CTNND2: variants seen among roughly 807,000 people sequenced by gnomAD.
The protein encoded by CTNND2 is catenin delta 2, also known as catenin delta-2.
In CTNND2, 22 loss-of-function variants were observed where a neutral mutation model predicts 144.4. The observed-to-expected ratio is 0.15, with a 90% CI of 0.11 to 0.22. CTNND2 has a LOEUF of 0.22. CTNND2 is among the 10% of genes least tolerant of loss of function. The probability of loss-of-function intolerance (pLI) is 1.00; values close to 1 mark genes in which losing one functional copy is unlikely to be tolerated. For missense variants in CTNND2, 1,353 were observed against 1,618.8 expected, an observed-to-expected ratio of 0.84 and a Z score of 2.82; for synonymous variants, 751 against 695.6, an observed-to-expected ratio of 1.08 and a Z score of -1.25.
chr5:11,082,510 C>T (rs1403222495), intron 16 of CTNND2, among the ~76,000 whole-genome samples, 186 bp downstream of exon 16: 6 of 152,138 alleles, frequency 3.9e-5, no homozygotes, highest in Admixed American at 3.9e-4. Flanking sequence ...ACATTTTCCT[C>T]TAAATTCTAA....
intron 1 of CTNND2, among the ~76,000 whole-genome samples, chr5:11,839,186 T>C (rs1482036551): frequency 6.6e-6 from 1 of 151,994 alleles, no homozygotes; most frequent in Non-Finnish European, 1.5e-5. Context: ...TTGAAAAGTA[T>C]TGCTGGGATC....
chr5:11,662,138 T>TATATATACAC (rs1491225985), intron 2 of CTNND2, among the ~76,000 whole-genome samples: 5 of 145,986 alleles, frequency 3.4e-5, no homozygotes, highest in African/African-American at 1.0e-4. Flanking sequence ...TACATATATG[T>TATATATACAC]ATATATACAC....
chr5:11,348,437 C>CA (rs3034056), intron 8 of CTNND2, among the ~76,000 whole-genome samples: 28,709 of 113,602 alleles, frequency 0.25, 3,164 homozygotes, highest in Non-Finnish European at 0.31. Context: ...AAATCAAGGG[C>CA]AAAAAAAAAA....
intron 1 of CTNND2, among the ~76,000 whole-genome samples, chr5:11,875,757 C>A (rs902416802): frequency 6.6e-6 from 1 of 152,154 alleles, no homozygotes; most frequent in African/African-American, 2.4e-5. Context: ...TTATAAGTCA[C>A]CCAGACTACG....
At chr5:11,719,141 G>A (rs59729480) in intron 2 of CTNND2, among the ~76,000 whole-genome samples, 15,558 of 152,192 alleles carry the variant, frequency 0.1, 988 homozygotes, top group East Asian at 0.21. Flanking sequence ...AACCAAGGCC[G>A]TTCAGTAAGA....
chr5:11,131,336 G>C (rs563818776), intron 12 of CTNND2, among the ~76,000 whole-genome samples: 2 of 152,102 alleles, frequency 1.3e-5, no homozygotes, highest in Non-Finnish European at 2.9e-5. Flanking sequence ...CCAATTCCTT[G>C]CATTTTGAGT....
intron 2 of CTNND2, among the ~76,000 whole-genome samples, chr5:11,654,371 G>T (rs1313671871): frequency 6.6e-6 from 1 of 152,082 alleles, no homozygotes; most frequent in African/African-American, 2.4e-5. Context: ...ATGAGCATGG[G>T]TTATCTCTCA....
intron 16 of CTNND2, among the ~76,000 whole-genome samples, chr5:11,049,810 C>G (rs1352876677): frequency 6.6e-6 from 1 of 152,164 alleles, no homozygotes. Flanking sequence ...AAATATCTCA[C>G]CATTTATACC....
intron 2 of CTNND2, among the ~76,000 whole-genome samples, chr5:11,604,629 T>C (rs1309232487): frequency 6.6e-6 from 1 of 152,196 alleles, no homozygotes; most frequent in Non-Finnish European, 1.5e-5. Flanking sequence ...GCTTTTCACA[T>C]CTTAGTTCTT....
chr5:11,254,683 GT>G (rs1561101402), intron 9 of CTNND2, among the ~76,000 whole-genome samples: 1 of 152,142 alleles, frequency 6.6e-6, no homozygotes, highest in African/African-American at 2.4e-5. Flanking sequence ...GTCTAGAAAT[GT>G]TTTTTACACT....
intron 16 of CTNND2, among the ~76,000 whole-genome samples, chr5:11,055,729 G>A (rs977791203): frequency 2.0e-5 from 3 of 152,210 alleles, no homozygotes; most frequent in Non-Finnish European, 4.4e-5. Context: ...CAGTGCTGTG[G>A]AGGTTGGCTG....
chr5:11,209,655 G>A (rs1738416810), intron 10 of CTNND2, among the ~76,000 whole-genome samples: 1 of 152,218 alleles, frequency 6.6e-6, no homozygotes, highest in African/African-American at 2.4e-5. Context: ...ATAAGATACT[G>A]CTTCAGCTTT....
At chr5:11,658,755 C>T (rs1053403646) in intron 2 of CTNND2, among the ~76,000 whole-genome samples, 4 of 152,260 alleles carry the variant, frequency 2.6e-5, no homozygotes, top group Admixed American at 2.6e-4. Context: ...TAAAAATTTA[C>T]ACTGCGCTAT....
intron 21 of CTNND2, among the ~76,000 whole-genome samples, chr5:10,977,308 A>C (rs1448571670): frequency 6.6e-6 from 1 of 152,232 alleles, no homozygotes; most frequent in Non-Finnish European, 1.5e-5. Flanking sequence ...ATTGGTCATC[A>C]AAACAGCAAA....
intron 10 of CTNND2, among the ~76,000 whole-genome samples, chr5:11,220,478 C>T (rs915959832): frequency 2.0e-5 from 3 of 152,128 alleles, no homozygotes; most frequent in Non-Finnish European, 4.4e-5. Context: ...CAAAGCTCAC[C>T]CAGCCCTCCT....
chr5:11,059,533 CT>C (rs763752125), intron 16 of CTNND2, among the ~76,000 whole-genome samples: 4 of 152,168 alleles, frequency 2.6e-5, no homozygotes, highest in African/African-American at 4.8e-5. Context: ...TCAGGTATGT[CT>C]TTATCAGCAG....
chr5:11,327,545 C>G (rs895408401), intron 9 of CTNND2, among the ~76,000 whole-genome samples: 7 of 152,142 alleles, frequency 4.6e-5, no homozygotes, highest in Non-Finnish European at 2.9e-5. Flanking sequence ...ATTCTCAAAT[C>G]CAGACTTCTG....
At chr5:11,708,246 C>A (rs1703556349) in intron 2 of CTNND2, among the ~76,000 whole-genome samples, 1 of 151,204 alleles carries the variant, frequency 6.6e-6, no homozygotes, top group African/African-American at 2.5e-5. Context: ...ATAGATTTAT[C>A]AGTGGTAAAA....
At chr5:11,512,322 T>C (rs1771731321) in intron 3 of CTNND2, among the ~76,000 whole-genome samples, 1 of 152,198 alleles carries the variant, frequency 6.6e-6, no homozygotes, top group Admixed American at 6.5e-5. Context: ...TTCTCTATAA[T>C]CCGTCTCTAC....
Sources: allele counts gnomAD v4.1 joint callset (sites outside exome capture counted in the v4.1 genomes callset), GRCh38; gene constraint gnomAD v4.1.1; transcripts MANE v1.5; gene names NCBI Gene and HGNC (gene_info 2026-07-23, HGNC 2026-07-21).